Variants in AGBL4 observed in about 807,000 individuals in gnomAD.
AGBL4 encodes cytosolic carboxypeptidase 6.
A neutral mutation model predicts 66.4 loss-of-function variants in AGBL4; 58 were observed. That is an observed-to-expected ratio of 0.87 (90% CI 0.71 to 1.09). AGBL4 has a LOEUF of 1.09. AGBL4 is among the 50% of genes least tolerant of loss of function. AGBL4 has a pLI of 0.00. For missense variants in AGBL4, 579 were observed against 631.0 expected (o/e 0.92, Z 0.88); for synonymous variants, 234 against 222.9 (o/e 1.05, Z -0.44).
chr1:49,293,605 G>T (rs1644586017), intron 3 of AGBL4, among the ~76,000 whole-genome samples: 1 of 152,172 alleles, frequency 6.6e-6, no homozygotes, highest in African/African-American at 2.4e-5. Context: ...ATATGCAGTT[G>T]TTAATGTCTC....
intron 1 of AGBL4, among the ~76,000 whole-genome samples, chr1:50,009,750 G>GA (rs1216816948): frequency 6.6e-6 from 1 of 151,256 alleles, no homozygotes; most frequent in Non-Finnish European, 1.5e-5. Context: ...TCTTGTATTT[G>GA]AAAAAAATCT....
At chr1:49,889,766 AAG>A (rs1300401496) in intron 1 of AGBL4, among the ~76,000 whole-genome samples, 1 of 152,188 alleles carries the variant, frequency 6.6e-6, no homozygotes, top group East Asian at 1.9e-4. Context: ...CAAAAAAAAA[AAG>A]AAATAATCAG....
intron 3 of AGBL4, among the ~76,000 whole-genome samples, chr1:49,555,823 A>C (rs1285688479): frequency 1.3e-5 from 2 of 152,254 alleles, no homozygotes. Flanking sequence ...TCAAAACCAC[A>C]ATGAGATATC....
At chr1:49,093,907 T>C (rs570768749) in intron 4 of AGBL4, among the ~76,000 whole-genome samples, 224 of 152,288 alleles carry the variant, frequency 1.5e-3, no homozygotes, top group South Asian at 7.9e-3. Flanking sequence ...GTAGCTCATT[T>C]CATCATAGGA....
chr1:48,950,254 A>G (rs897901188), intron 5 of AGBL4, among the ~76,000 whole-genome samples: 2 of 151,956 alleles, frequency 1.3e-5, no homozygotes, highest in African/African-American at 4.8e-5. Context: ...GTGCCACCAC[A>G]CCTGGCTAAC....
chr1:49,609,204 G>A (rs571558634), intron 3 of AGBL4, among the ~76,000 whole-genome samples: 15 of 152,292 alleles, frequency 9.8e-5, no homozygotes, highest in African/African-American at 3.4e-4. Flanking sequence ...TTATTTCCTA[G>A]TACTAGAATT....
chr1:49,277,276 C>G (rs540795126), intron 3 of AGBL4, among the ~76,000 whole-genome samples: 2 of 152,074 alleles, frequency 1.3e-5, no homozygotes, highest in African/African-American at 4.8e-5. Context: ...ATTTTTTGAT[C>G]AATTGTTATC....
intron 4 of AGBL4, among the ~76,000 whole-genome samples, chr1:49,186,126 T>A (rs569593112): frequency 6.6e-6 from 1 of 152,254 alleles, no homozygotes; most frequent in African/African-American, 2.4e-5. Flanking sequence ...TCATCCTTCA[T>A]AAGAGCTTTG....
intron 4 of AGBL4, among the ~76,000 whole-genome samples, chr1:49,204,403 T>C (rs1318728925): frequency 1.3e-5 from 2 of 151,810 alleles, no homozygotes; most frequent in Non-Finnish European, 2.9e-5. Context: ...CTGGAGTAAC[T>C]GGGACTATAC....
chr1:48,811,106 C>T (rs540206624), intron 6 of AGBL4, among the ~76,000 whole-genome samples: 16 of 150,164 alleles, frequency 1.1e-4, no homozygotes, highest in African/African-American at 3.0e-4. Context: ...CTGGCTCTGT[C>T]GCCAACAGAT....
At chr1:48,898,836 A>G (rs1396140157) in intron 5 of AGBL4, among the ~76,000 whole-genome samples, 2 of 152,188 alleles carry the variant, frequency 1.3e-5, no homozygotes, top group African/African-American at 4.8e-5. Context: ...ACAAAAAGGG[A>G]GAGACATCCA....
At chr1:48,613,465 C>A (rs1240884153) in intron 9 of AGBL4, among the ~76,000 whole-genome samples, 1 of 152,158 alleles carries the variant, frequency 6.6e-6, no homozygotes, top group Admixed American at 6.5e-5. Flanking sequence ...CTATTCTTCC[C>A]TCCCTGTAAT....
intron 1 of AGBL4, among the ~76,000 whole-genome samples, chr1:49,921,524 C>T (rs889874902): frequency 1.3e-5 from 2 of 151,952 alleles, no homozygotes; most frequent in African/African-American, 4.8e-5. Context: ...AGGCAAAGTC[C>T]CACAATAGGC....
intron 3 of AGBL4, among the ~76,000 whole-genome samples, chr1:49,498,217 G>A (rs1047319216): frequency 1.1e-4 from 16 of 151,888 alleles, no homozygotes; most frequent in South Asian, 2.1e-4. Context: ...GCATATTGAC[G>A]TTGTATCCTG....
At chr1:49,901,326 T>C (rs1649751055) in intron 1 of AGBL4, among the ~76,000 whole-genome samples, 1 of 152,158 alleles carries the variant, frequency 6.6e-6, no homozygotes, top group Non-Finnish European at 1.5e-5. Context: ...CTTGGTCTGA[T>C]AAACAACTTC....
At chr1:48,653,239 C>A in intron 8 of AGBL4, 98 bp downstream of exon 8, 1 of 971,164 alleles carries the variant, frequency 1.0e-6, no homozygotes, top group Non-Finnish European at 1.5e-6. Flanking sequence ...TGGGCAGCCT[C>A]AAAATTCTTC....
chr1:48,689,203 CAAAAAAAAAAAAAA>C (rs939955179), intron 6 of AGBL4, among the ~76,000 whole-genome samples: 1 of 53,348 alleles, frequency 1.9e-5, no homozygotes, highest in Non-Finnish European at 4.1e-5. Flanking sequence ...GACCCGGTCT[CAAAAAAAAAAAAAA>C]AAAAAAGAAA....
chr1:49,451,123 A>C (rs536663019), intron 3 of AGBL4, among the ~76,000 whole-genome samples: 1 of 152,112 alleles, frequency 6.6e-6, no homozygotes, highest in East Asian at 1.9e-4. Context: ...ACATTTCCTT[A>C]CTGTTTGCCA....
chr1:49,130,390 T>C (rs1420785300), intron 4 of AGBL4, among the ~76,000 whole-genome samples: 1 of 152,220 alleles, frequency 6.6e-6, no homozygotes, highest in Non-Finnish European at 1.5e-5. Flanking sequence ...TCCTTGCCCA[T>C]GCCTATGTCC....
Sources: gnomAD v4.1 joint callset for allele counts (sites outside exome capture counted in the v4.1 genomes callset) on GRCh38, gnomAD v4.1.1 for gene constraint, MANE v1.5 for transcripts, NCBI Gene and HGNC (gene_info 2026-07-23, HGNC 2026-07-21) for gene names.